ATP8A2: variants seen among roughly 807,000 people sequenced by gnomAD.
The protein encoded by ATP8A2 is phospholipid-transporting ATPase IB.
A neutral mutation model predicts 165.6 loss-of-function variants in ATP8A2; 100 were observed. The ratio of observed to expected loss-of-function variants is 0.60; its 90% CI spans 0.51 to 0.71. The LOEUF (loss-of-function observed/expected upper bound fraction) is 0.71. Among genes scored for constraint, ATP8A2 ranks in the 30% least tolerant of loss-of-function variants. ATP8A2 has a pLI of 0.00. For missense variants in ATP8A2, 1,227 were observed against 1,479.5 expected (o/e 0.83, Z 2.80); for synonymous variants, 543 against 548.8 (o/e 0.99, Z 0.15).
intron 1 of ATP8A2, among the ~76,000 whole-genome samples, chr13:25,459,551 G>A (rs973267247): frequency 1.3e-5 from 2 of 152,190 alleles, no homozygotes; most frequent in African/African-American, 4.8e-5. Context: ...TTATGGAGTG[G>A]TATGTCCATG....
chr13:25,800,851 A>C (rs1235514280), intron 27 of ATP8A2, among the ~76,000 whole-genome samples: 1 of 152,156 alleles, frequency 6.6e-6, no homozygotes, highest in Non-Finnish European at 1.5e-5. Flanking sequence ...TTTGGCAGCC[A>C]AAAAGGGCTT....
rs374448080 is a variant in ATP8A2, at chr13:25,574,788, G to A, written c.1663-20G>A. On this transcript the variant is annotated intron_variant, in intron 18 of 36. Transcript: ENST00000381655. ...TTAATACTTTGCACCTCGGTTAAGAGCCTATTTTTCTTCCTTTAGATGGGA... is the reference window on the plus strand; with the variant it reads ...TTAATACTTTGCACCTCGGTTAAGAACCTATTTTTCTTCCTTTAGATGGGA... 3.2e-5 allele frequency: 47 copies of A among 1,479,552 alleles called. No individual in the cohort carries two copies. Among genetic ancestry groups the A allele is most frequent in the Non-Finnish European group, 4.3e-5 (46 of 1,058,822 alleles). The allele number at this position is 1,479,552 out of a possible 1,614,324, so 91.7% of individuals were successfully genotyped here. A position where few individuals can be genotyped will look rare whatever the true frequency, so the allele number is the denominator to read the frequency against.
chr13:25,534,271 C>T, intron 6 of ATP8A2: 2 of 518,514 alleles, frequency 3.9e-6, no homozygotes, highest in South Asian at 2.9e-5. Flanking sequence ...TCGTATGCTG[C>T]AAACATTCAT....
chr13:26,012,500 CAA>C lies in ATP8A2; in HGVS notation c.3378-30_3378-29del, dbSNP rs1956870188. 3.9e-6 allele frequency: 6 copies of C among 1,529,266 alleles called. No individual in the cohort carries two copies. In the East Asian group the frequency reaches 7.6e-5, roughly 19 times the overall value. The allele number at this position is 1,529,266 out of a possible 1,614,324, so 94.7% of individuals were successfully genotyped here. On this transcript the variant is annotated intron_variant, in intron 35 of 36. Transcript: ENST00000381655. ...TTGTGCAACCCGAGTGTTCAGGTGA[CAA>C]GAGACTGACGCGCTTGCTTTATCCG...
At chr13:25,997,061 C>A (rs1419709901) in intron 35 of ATP8A2, among the ~76,000 whole-genome samples, 11 of 152,220 alleles carry the variant, frequency 7.2e-5, no homozygotes. Context: ...TCAAGTGATC[C>A]TCCTGCCTTG....
chr13:25,554,147 A>G (rs781473626), intron 12 of ATP8A2, among the ~76,000 whole-genome samples: 6 of 152,162 alleles, frequency 3.9e-5, no homozygotes, highest in Non-Finnish European at 5.9e-5. Flanking sequence ...TGGTCAGAGA[A>G]TGGGGTGGAA....
At chr13:25,779,429 C>T (rs2044820975) in intron 27 of ATP8A2, among the ~76,000 whole-genome samples, 1 of 151,766 alleles carries the variant, frequency 6.6e-6, no homozygotes, top group Non-Finnish European at 1.5e-5. Flanking sequence ...GGTGTGTATT[C>T]CCTGTGTGTC....
chr13:25,981,329 G>A (rs1386021042), intron 35 of ATP8A2, among the ~76,000 whole-genome samples: 2 of 152,190 alleles, frequency 1.3e-5, no homozygotes, highest in African/African-American at 2.4e-5. Context: ...CTCTTGTTAT[G>A]TGACTGACAT....
chr13:25,843,989 C>T (rs998711663), intron 30 of ATP8A2, among the ~76,000 whole-genome samples: 1 of 152,116 alleles, frequency 6.6e-6, no homozygotes, highest in East Asian at 1.9e-4. Context: ...ATTAAGACTG[C>T]TCTGTAGAGA....
intron 1 of ATP8A2, among the ~76,000 whole-genome samples, chr13:25,401,453 C>T (rs546615992): frequency 1.8e-4 from 28 of 152,276 alleles, no homozygotes; most frequent in African/African-American, 6.7e-4. Flanking sequence ...TGTTTGTTCT[C>T]GGGCTGTGGT....
At chr13:25,983,087 C>T (rs867708284) in intron 35 of ATP8A2, among the ~76,000 whole-genome samples, 1 of 152,176 alleles carries the variant, frequency 6.6e-6, no homozygotes, top group Non-Finnish European at 1.5e-5. Flanking sequence ...TCTTTTGTAG[C>T]TCTGTTGGAG....
intron 25 of ATP8A2, among the ~76,000 whole-genome samples, chr13:25,717,629 TACA>T (rs1406873104): frequency 3.3e-5 from 5 of 152,188 alleles, no homozygotes; most frequent in African/African-American, 4.8e-5. Flanking sequence ...TGAAGAAATA[TACA>T]ACAATTCTAA....
At chr13:25,819,155 C>T (rs1174103143) in intron 27 of ATP8A2, among the ~76,000 whole-genome samples, 1 of 147,456 alleles carries the variant, frequency 6.8e-6, no homozygotes, top group East Asian at 2.0e-4. Context: ...GTGGTTTTTA[C>T]AAAAAAAAAA....
At chr13:25,376,227 A>G (rs2032620413) in intron 1 of ATP8A2, among the ~76,000 whole-genome samples, 2 of 152,200 alleles carry the variant, frequency 1.3e-5, no homozygotes, top group African/African-American at 2.4e-5. Flanking sequence ...TCAATATCAG[A>G]TCTAAATGCA....
chr13:25,406,684 T>C (rs2033811174), intron 1 of ATP8A2, among the ~76,000 whole-genome samples: 1 of 152,104 alleles, frequency 6.6e-6, no homozygotes, highest in Non-Finnish European at 1.5e-5. Flanking sequence ...ATGTTTGGGG[T>C]TGGAATCTCC....
Position 25,967,702 on chromosome 13 carries a change from G to A in ATP8A2, c.3273-873G>A, listed in dbSNP as rs1405022670. ...TTTTTCTCTTATATAACCTATATCTGGTTAAATGTCTTTTCACCTAGACTG... is the reference window on the plus strand; with the variant it reads ...TTTTTCTCTTATATAACCTATATCTAGTTAAATGTCTTTTCACCTAGACTG... On this transcript the variant is annotated intron_variant, in intron 34 of 36. Transcript: ENST00000381655. 3.9e-5 allele frequency among the ~76,000 whole-genome samples: 6 copies of A among 151,968 alleles called. No individual in the cohort carries two copies. In the South Asian group the frequency reaches 1.0e-3, roughly 26 times the overall value.
chr13:25,834,502 T>C (rs1201646724), intron 28 of ATP8A2, among the ~76,000 whole-genome samples: 1 of 152,178 alleles, frequency 6.6e-6, no homozygotes, highest in Non-Finnish European at 1.5e-5. Flanking sequence ...AGAAAATGAA[T>C]GTCTGTCAGT....
At chr13:25,721,234 T>C (rs1460736530) in intron 25 of ATP8A2, among the ~76,000 whole-genome samples, 1 of 152,078 alleles carries the variant, frequency 6.6e-6, no homozygotes, top group Non-Finnish European at 1.5e-5. Flanking sequence ...ACAGTTTTGT[T>C]GAGTTACAGT....
chr13:25,621,109 C>T (rs1004678337), intron 24 of ATP8A2, among the ~76,000 whole-genome samples: 2 of 152,292 alleles, frequency 1.3e-5, no homozygotes, highest in South Asian at 2.1e-4. Flanking sequence ...CCTCACTAGA[C>T]TCTGCATTCC....
Sources: gnomAD v4.1 joint callset for allele counts (sites outside exome capture counted in the v4.1 genomes callset) on GRCh38, gnomAD v4.1.1 for gene constraint, MANE v1.5 for transcripts, NCBI Gene and HGNC (gene_info 2026-07-23, HGNC 2026-07-21) for gene names.